The following CCDC148 variants were observed in gnomAD, a reference collection of about 807,000 sequenced individuals.
The protein encoded by CCDC148 is coiled-coil domain containing 148.
A neutral mutation model predicts 85.7 loss-of-function variants in CCDC148; 89 were observed. The ratio of observed to expected loss-of-function variants is 1.04; its 90% CI spans 0.87 to 1.24. The LOEUF (loss-of-function observed/expected upper bound fraction) is 1.24. Among genes scored for constraint, CCDC148 ranks in the 50% most tolerant of loss-of-function variants. CCDC148 has a pLI of 0.00. For missense variants in CCDC148, 692 were observed against 671.7 expected (o/e 1.03, Z -0.33); for synonymous variants, 230 against 213.9 (o/e 1.08, Z -0.66).
At chr2:158,437,071 C>T (rs190732914) in intron 1 of CCDC148, among the ~76,000 whole-genome samples, 2 of 152,290 alleles carry the variant, frequency 1.3e-5, no homozygotes, top group East Asian at 3.9e-4. Flanking sequence ...GGTACCATTC[C>T]TTCTGAAACT....
chr2:158,430,658 T>A (rs1321291811), intron 1 of CCDC148, among the ~76,000 whole-genome samples: 3 of 152,212 alleles, frequency 2.0e-5, no homozygotes, highest in East Asian at 3.8e-4. Flanking sequence ...TTTAAGGTGA[T>A]GTATATTCCA....
chr2:158,302,909 TG>T (rs1200538068), intron 9 of CCDC148, among the ~76,000 whole-genome samples: 2 of 152,008 alleles, frequency 1.3e-5, no homozygotes, highest in Non-Finnish European at 2.9e-5. Flanking sequence ...GGGGAAAACT[TG>T]GGGGATCAAA....
chr2:158,346,415 G>T (rs1682996195), intron 2 of CCDC148, among the ~76,000 whole-genome samples: 1 of 152,106 alleles, frequency 6.6e-6, no homozygotes, highest in Admixed American at 6.6e-5. Flanking sequence ...CCAGGAATTT[G>T]GCATGGCCTT....
chr2:158,246,174 A>G (rs1226369698), intron 10 of CCDC148, among the ~76,000 whole-genome samples: 1 of 152,140 alleles, frequency 6.6e-6, no homozygotes, highest in East Asian at 1.9e-4. Context: ...CCAGTCCCTT[A>G]GGAAAAGGGA....
intron 11 of CCDC148, among the ~76,000 whole-genome samples, chr2:158,186,920 C>T (rs1002525117): frequency 6.6e-6 from 1 of 152,032 alleles, no homozygotes; most frequent in South Asian, 2.1e-4. Context: ...CAACAGCATC[C>T]TTTAATTATC....
At chr2:158,206,242 C>T (rs1402528244) in intron 11 of CCDC148, among the ~76,000 whole-genome samples, 1 of 152,088 alleles carries the variant, frequency 6.6e-6, no homozygotes, top group African/African-American at 2.4e-5. Flanking sequence ...CTTGAGCCAC[C>T]AGATGCTTCT....
chr2:158,336,052 G>A (rs1278142221), intron 7 of CCDC148, among the ~76,000 whole-genome samples: 2 of 152,116 alleles, frequency 1.3e-5, no homozygotes, highest in Non-Finnish European at 1.5e-5. Context: ...ATATGGCATA[G>A]CAGTGCACAA....
At chr2:158,244,173 T>A (rs1345726649) in intron 10 of CCDC148, among the ~76,000 whole-genome samples, 4 of 152,172 alleles carry the variant, frequency 2.6e-5, no homozygotes, top group Non-Finnish European at 5.9e-5. Context: ...TCCAGCCTCT[T>A]CCCACTTATG....
At chr2:158,422,826 T>A (rs953302982) in intron 1 of CCDC148, among the ~76,000 whole-genome samples, 2 of 150,930 alleles carry the variant, frequency 1.3e-5, no homozygotes, top group African/African-American at 4.9e-5. Flanking sequence ...CCTGTATATT[T>A]AGAAAACCCC....
At chr2:158,352,303 A>C (rs11886529) in intron 2 of CCDC148, among the ~76,000 whole-genome samples, 26,454 of 151,070 alleles carry the variant, frequency 0.18, 3,781 homozygotes, top group African/African-American at 0.4. Context: ...ATTCAAACCA[A>C]AGGGAAAGAA....
chr2:158,195,652 C>T lies in CCDC148; in HGVS notation c.1371-16656G>A, dbSNP rs565978772. 2.0e-5 allele frequency among the ~76,000 whole-genome samples: 3 copies of T among 152,296 alleles called. No homozygotes were observed. The South Asian group carries it at 6.2e-4, about 32-fold the overall frequency. On this transcript the variant is annotated intron_variant, in intron 11 of 13. Transcript: ENST00000283233. ...GAAATCATTTTTAAAAGAGCATGGA[C>T]AGCACATTCTGGCAGTTTTCTATGG...
chr2:158,252,954 C>A lies in CCDC148; in HGVS notation c.1111-2042G>T, dbSNP rs530017943. The stretch of plus-strand genomic sequence containing the variant: ...CTTTGCCATAGCTTCACATCAAACC[C>A]TGTGCACCTGCTTCTCCTTTCCAAA... On this transcript the variant is annotated intron_variant, in intron 9 of 13. Coordinates refer to ENST00000283233, the MANE Select transcript of CCDC148 (RefSeq NM_138803.4). Among the ~76,000 whole-genome samples the A allele has an allele frequency of 1.1e-3, 174 of 151,860 alleles. 1 individual carries two copies. The highest frequency in any genetic ancestry group is 4.1e-3 in the African/African-American group (170 of 41,518).
intron 9 of CCDC148, among the ~76,000 whole-genome samples, chr2:158,301,226 G>A (rs1439976386): frequency 6.6e-6 from 1 of 152,178 alleles, no homozygotes; most frequent in Non-Finnish European, 1.5e-5. Flanking sequence ...GGCAGAATGT[G>A]AAACATAGTC....
chr2:158,240,260 A>C (rs899608403), intron 10 of CCDC148, among the ~76,000 whole-genome samples: 2 of 152,080 alleles, frequency 1.3e-5, no homozygotes, highest in African/African-American at 4.8e-5. Flanking sequence ...AAACATGTAA[A>C]AAGAGTGCTA....
chr2:158,328,637 A>C (rs1001177223), intron 7 of CCDC148, among the ~76,000 whole-genome samples: 2 of 152,164 alleles, frequency 1.3e-5, no homozygotes, highest in African/African-American at 4.8e-5. Flanking sequence ...CCAACAGTGT[A>C]AAAGTGCTCC....
intron 1 of CCDC148, among the ~76,000 whole-genome samples, chr2:158,423,788 A>C (rs1430111133): frequency 2.0e-5 from 3 of 152,224 alleles, no homozygotes; most frequent in Admixed American, 6.5e-5. Flanking sequence ...CAACCTACAG[A>C]ATGGGAGAAA....
chr2:158,421,669 A>C (rs1686789926), intron 1 of CCDC148, among the ~76,000 whole-genome samples: 1 of 152,210 alleles, frequency 6.6e-6, no homozygotes, highest in Non-Finnish European at 1.5e-5. Flanking sequence ...TAACATCACA[A>C]TTAAAAGAAC....
At chr2:158,193,228 T>C (rs948918817) in intron 11 of CCDC148, among the ~76,000 whole-genome samples, 2 of 152,148 alleles carry the variant, frequency 1.3e-5, no homozygotes, top group Non-Finnish European at 2.9e-5. Flanking sequence ...CATTTCTGTC[T>C]TATGTGCATT....
rs72936090 is a variant in CCDC148, at chr2:158,240,046, T to C, written c.1251+10726A>G. Among the ~76,000 whole-genome samples, 1,341 of 152,180 alleles carry C rather than the reference T, an allele frequency of 8.8e-3. 13 individuals are homozygous for C. Among genetic ancestry groups the C allele is most frequent in the Admixed American group, 0.014 (220 of 15,252 alleles). Reference sequence around the variant, plus strand: ...CACAAAAGGGAGGGTAGGAAGCAGTTAATCAGAGTGGCCCTCAGCCAAGTG... The same window carrying C: ...CACAAAAGGGAGGGTAGGAAGCAGTCAATCAGAGTGGCCCTCAGCCAAGTG... On this transcript the variant is annotated intron_variant, in intron 10 of 13. Transcript: ENST00000283233.
Sources: gnomAD v4.1 joint callset for allele counts (sites outside exome capture counted in the v4.1 genomes callset) on GRCh38, gnomAD v4.1.1 for gene constraint, MANE v1.5 for transcripts, NCBI Gene and HGNC (gene_info 2026-07-23, HGNC 2026-07-21) for gene names.